The following HS6ST2 variants were observed in gnomAD, a reference collection of about 807,000 sequenced individuals.
HS6ST2 encodes heparan-sulfate 6-O-sulfotransferase 2.
HS6ST2 carries 17 observed loss-of-function variants against 33.0 expected under a neutral mutation model. That is an observed-to-expected ratio of 0.52 (90% CI 0.35 to 0.77). HS6ST2 has a LOEUF of 0.77. HS6ST2 is among the 30% of genes least tolerant of loss of function. The pLI is 0.01. For synonymous variants in HS6ST2, 248 were observed against 237.1 expected (o/e 1.05, Z -0.42); for missense variants, 519 against 551.7 (o/e 0.94, Z 0.59).
At chrX:132,782,295 C>A (rs758694568) in intron 2 of HS6ST2, among the ~76,000 whole-genome samples, 21 of 111,420 alleles carry the variant, frequency 1.9e-4, no homozygotes, top group Admixed American at 4.8e-4. Context: ...GTTCTGAGAG[C>A]CATGGAACAG....
chrX:132,684,641 T>C (rs1358685514), intron 3 of HS6ST2, among the ~76,000 whole-genome samples: 2 of 111,040 alleles, frequency 1.8e-5, no homozygotes, highest in South Asian at 3.8e-4. Flanking sequence ...ACCATTGCAT[T>C]TGGGGCTTTC....
At position 132,628,380 on chromosome X, in the gene HS6ST2, T is replaced by C. The variant is rs752919586; in HGVS notation, c.1781A>G (p.Asn594Ser). ...NQSQNPNPNANQNLTQNLMQN... is the reference protein window; with the variant it reads ...NQSQNPNPNASQNLTQNLMQN... ...CATCAGATTCTGAGTCAGGTTCTGA[T>C]TGGCATTCGGATTTGGGTTCTGACT... The change falls in exon 5 of 5, where the codon AAT (asparagine) becomes AGT (serine). Residue 594 changes from asparagine (N) to serine (S), a missense_variant. Transcript: ENST00000370833. The C allele has an allele frequency of 1.5e-4, 181 of 1,179,946 alleles. No individual in the cohort carries two copies. The highest frequency in any genetic ancestry group is 3.1e-4 in the Admixed American group (13 of 41,509).
chrX:132,900,660 T>A, intron 2 of HS6ST2, among the ~76,000 whole-genome samples: 1 of 111,454 alleles, frequency 9.0e-6, no homozygotes, highest in South Asian at 3.8e-4. Flanking sequence ...AATTAAAATA[T>A]ATTGTTATAG....
chrX:132,763,264 T>G (rs2064818464), intron 2 of HS6ST2, among the ~76,000 whole-genome samples: 1 of 112,099 alleles, frequency 8.9e-6, no homozygotes, highest in Non-Finnish European at 1.9e-5. Flanking sequence ...ATGGTAAAAA[T>G]GTAGTGTCTA....
intron 3 of HS6ST2, among the ~76,000 whole-genome samples, chrX:132,680,441 G>A (rs764263047): frequency 4.5e-5 from 5 of 111,459 alleles, no homozygotes; most frequent in South Asian, 3.9e-4. Context: ...TTGGATAGAC[G>A]GATGCAGAAC....
intron 3 of HS6ST2, among the ~76,000 whole-genome samples, chrX:132,706,779 A>C (rs781727603): frequency 8.9e-6 from 1 of 112,593 alleles, no homozygotes; most frequent in East Asian, 2.8e-4. Context: ...GGGATTACCA[A>C]AAATGTTATT....
intron 2 of HS6ST2, among the ~76,000 whole-genome samples, chrX:132,942,049 G>C (rs1444831980): frequency 9.0e-6 from 1 of 111,346 alleles, no homozygotes. Flanking sequence ...TTCATAAATA[G>C]CCTACTATGC....
chrX:132,927,675 G>A (rs1012447215), intron 2 of HS6ST2, among the ~76,000 whole-genome samples: 1 of 110,594 alleles, frequency 9.0e-6, no homozygotes, highest in Non-Finnish European at 1.9e-5. Flanking sequence ...ACCAGCCCGA[G>A]CAACATGGCA....
chrX:132,794,286 T>C (rs2065150405), intron 2 of HS6ST2, among the ~76,000 whole-genome samples: 1 of 112,275 alleles, frequency 8.9e-6, no homozygotes, highest in South Asian at 3.7e-4. Flanking sequence ...TTTTCTCTCC[T>C]CCAAAGGACA....
intron 2 of HS6ST2, among the ~76,000 whole-genome samples, chrX:132,839,889 C>T (rs1261458707): frequency 9.0e-6 from 1 of 110,596 alleles, no homozygotes; most frequent in Non-Finnish European, 1.9e-5. Flanking sequence ...GGCCGAGACA[C>T]GTAAATCACT....
intron 2 of HS6ST2, among the ~76,000 whole-genome samples, chrX:132,755,594 G>C (rs2064751042): frequency 9.0e-6 from 1 of 111,339 alleles, no homozygotes; most frequent in African/African-American, 3.3e-5. Context: ...GATGGTGTTA[G>C]GGTGGGTCAA....
At position 132,811,708 on chromosome X, in the gene HS6ST2, A is replaced by ATATATATAT. The variant is rs1158954648; in HGVS notation, c.948-103223_948-103215dup. On this transcript the variant is annotated intron_variant, in intron 2 of 4. Transcript: ENST00000370833. The stretch of plus-strand genomic sequence containing the variant: ...ATAATATATATATATATATATATAT[A>ATATATATAT]TATATATATATATATATCACATTTT... 7.9e-5 allele frequency among the ~76,000 whole-genome samples: 7 copies of ATATATATAT among 88,715 alleles called. No individual in the cohort carries two copies. In the East Asian group the frequency reaches 2.6e-3, roughly 33 times the overall value. The allele number at this position is 88,715 out of a possible 115,157, so 77.0% of individuals were successfully genotyped here.
intron 3 of HS6ST2, among the ~76,000 whole-genome samples, chrX:132,691,349 C>T (rs1323522500): frequency 9.0e-6 from 1 of 111,414 alleles, no homozygotes; most frequent in African/African-American, 3.3e-5. Flanking sequence ...CTAGGTGCTA[C>T]CTCTTAACGT....
chrX:132,666,403 C>T (rs1255560629), intron 4 of HS6ST2, among the ~76,000 whole-genome samples: 1 of 111,597 alleles, frequency 9.0e-6, no homozygotes, highest in Non-Finnish European at 1.9e-5. Flanking sequence ...AAAGTAAATG[C>T]TTAATATATT....
chrX:132,803,014 T>A (rs963060963), intron 2 of HS6ST2, among the ~76,000 whole-genome samples: 1 of 110,898 alleles, frequency 9.0e-6, no homozygotes, highest in African/African-American at 3.3e-5. Flanking sequence ...ATGACAGCCA[T>A]GAGAAGGAGG....
At chrX:132,833,024 A>T (rs1602728147) in intron 2 of HS6ST2, among the ~76,000 whole-genome samples, 1 of 111,531 alleles carries the variant, frequency 9.0e-6, no homozygotes, top group African/African-American at 3.3e-5. Context: ...GTCTTTATAG[A>T]TTTGTCTATT....
intron 2 of HS6ST2, among the ~76,000 whole-genome samples, chrX:132,767,428 A>C (rs2064859473): frequency 8.9e-6 from 1 of 111,941 alleles, no homozygotes; most frequent in African/African-American, 3.2e-5. Context: ...TGTTTTGCCC[A>C]AGCTGGTCTT....
intron 2 of HS6ST2, among the ~76,000 whole-genome samples, chrX:132,827,807 T>C (rs1470822317): frequency 9.0e-6 from 1 of 110,763 alleles, no homozygotes; most frequent in East Asian, 2.9e-4. Flanking sequence ...GCTCGTGATG[T>C]TCCTAACCTT....
At chrX:132,643,450 C>A (rs1313058773) in intron 4 of HS6ST2, among the ~76,000 whole-genome samples, 1 of 111,595 alleles carries the variant, frequency 9.0e-6, no homozygotes, top group African/African-American at 3.3e-5. Flanking sequence ...TGAATGGAAC[C>A]AATGAGAGCC....
Sources: allele counts gnomAD v4.1 joint callset (sites outside exome capture counted in the v4.1 genomes callset), GRCh38; gene constraint gnomAD v4.1.1; transcripts MANE v1.5; gene names NCBI Gene and HGNC (gene_info 2026-07-23, HGNC 2026-07-21).